RHOA: variants seen among roughly 807,000 people sequenced by gnomAD.
The protein encoded by RHOA is transforming protein RhoA.
In RHOA, 3 loss-of-function variants were observed where a neutral mutation model predicts 17.5. That is an observed-to-expected ratio of 0.17 (90% CI 0.08 to 0.44). The LOEUF is 0.44. Ranked by LOEUF, RHOA falls within the 20% of genes least tolerant of loss-of-function variation. RHOA has a pLI of 0.99. For synonymous variants in RHOA, 98 were observed against 88.4 expected (o/e 1.11, Z -0.61); for missense variants, 56 against 242.3 (o/e 0.23, Z 5.10).
chr3:49,407,811 T>C (rs1171741573), intron 1 of RHOA, among the ~76,000 whole-genome samples: 1 of 152,168 alleles, frequency 6.6e-6, no homozygotes, highest in Non-Finnish European at 1.5e-5. Flanking sequence ...ACTTACTTCA[T>C]TGGCTGTGTA....
intron 1 of RHOA, among the ~76,000 whole-genome samples, chr3:49,391,259 G>T (rs191323948): frequency 6.6e-6 from 1 of 151,016 alleles, no homozygotes; most frequent in African/African-American, 2.4e-5. Flanking sequence ...AGGTGTGGTA[G>T]TACACACGTG....
At chr3:49,406,344 G>A (rs936061188) in intron 1 of RHOA, among the ~76,000 whole-genome samples, 1 of 152,134 alleles carries the variant, frequency 6.6e-6, no homozygotes, top group African/African-American at 2.4e-5. Flanking sequence ...GGATACAATG[G>A]CTAGAAGAAT....
At chr3:49,389,794 G>A (rs78139421) in intron 1 of RHOA, among the ~76,000 whole-genome samples, 2 of 151,904 alleles carry the variant, frequency 1.3e-5, no homozygotes, top group Admixed American at 1.3e-4. Context: ...AAAATTAGCC[G>A]GGCGTGGTGG....
chr3:49,364,895 C>T (rs2048029513), intron 3 of RHOA, among the ~76,000 whole-genome samples: 1 of 151,628 alleles, frequency 6.6e-6, no homozygotes, highest in South Asian at 2.1e-4. Context: ...GTGCTTGAAC[C>T]CGGGAGGCGG....
chr3:49,360,041 A>G lies in RHOA; in HGVS notation c.*168T>C. ...GACCCTGGTGGGCCAGACGGGTTGG[A>G]CATCGTTAATAATCATAGTTGGCTT... is the stretch of plus-strand genomic sequence containing the variant. On this transcript the variant is annotated 3_prime_UTR_variant, in exon 5 of 5. Coordinates refer to ENST00000418115, the MANE Select transcript of RHOA (RefSeq NM_001664.4). 2 of 760,662 alleles carry G rather than the reference A, an allele frequency of 2.6e-6. No homozygotes were observed. Among genetic ancestry groups the G allele is most frequent in the Non-Finnish European group, 4.0e-6 (2 of 498,818 alleles). 47.1% of individuals were successfully genotyped at this position (760,662 alleles called of 1,614,324 possible). A position where few individuals can be genotyped will look rare whatever the true frequency, so the allele number is the denominator to read the frequency against.
intron 1 of RHOA, among the ~76,000 whole-genome samples, chr3:49,398,203 T>TAGCCAAGTG (rs71080505): frequency 0.3 from 44,857 of 151,338 alleles, 7,110 homozygotes; most frequent in Middle Eastern, 0.32. Context: ...TCTACTAAAG[T>TAGCCAAGTG]AGCCAAGTGT....
intron 1 of RHOA, among the ~76,000 whole-genome samples, chr3:49,383,758 G>T (rs1330725583): frequency 6.6e-6 from 1 of 152,144 alleles, no homozygotes; most frequent in Non-Finnish European, 1.5e-5. Flanking sequence ...AGCCAGGCAC[G>T]GTGGCTCACG....
chr3:49,398,453 A>G (rs183690608), intron 1 of RHOA, among the ~76,000 whole-genome samples: 15 of 152,184 alleles, frequency 9.9e-5, no homozygotes. Context: ...GGGTAATTAC[A>G]GTGATAAACT....
At chr3:49,393,729 T>TGTGTGAGAGAGA (rs1553635013) in intron 1 of RHOA, among the ~76,000 whole-genome samples, 2 of 136,840 alleles carry the variant, frequency 1.5e-5, no homozygotes, top group East Asian at 2.1e-4. Flanking sequence ...TGTGTGTGTG[T>TGTGTGAGAGAGA]GACAGAATCT....
At chr3:49,384,786 TGCAGTGGCTCAC>T (rs2048370099) in intron 1 of RHOA, among the ~76,000 whole-genome samples, 1 of 152,070 alleles carries the variant, frequency 6.6e-6, no homozygotes, top group Non-Finnish European at 1.5e-5. Context: ...CTTGGCTGGG[TGCAGTGGCTCAC>T]GCCTGTAATC....
chr3:49,368,142 C>A (rs966380167), intron 3 of RHOA, among the ~76,000 whole-genome samples: 2 of 151,886 alleles, frequency 1.3e-5, no homozygotes, highest in Non-Finnish European at 2.9e-5. Flanking sequence ...GAACTCCTGA[C>A]CCTCAGGTGA....
chr3:49,383,087 A>G (rs896707420), intron 1 of RHOA, among the ~76,000 whole-genome samples: 2 of 151,428 alleles, frequency 1.3e-5, no homozygotes, highest in Non-Finnish European at 2.9e-5. Context: ...GAAAAAGAAA[A>G]GGCTGCCACC....
At chr3:49,392,075 C>A (rs2048521416) in intron 1 of RHOA, among the ~76,000 whole-genome samples, 1 of 149,742 alleles carries the variant, frequency 6.7e-6, no homozygotes, top group Non-Finnish European at 1.5e-5. Context: ...GATCCACCAG[C>A]CTCAGCCCCC....
intron 1 of RHOA, among the ~76,000 whole-genome samples, chr3:49,396,156 A>G (rs1353931959): frequency 6.6e-6 from 1 of 152,254 alleles, no homozygotes; most frequent in East Asian, 1.9e-4. Flanking sequence ...AAAAGAACAC[A>G]GGTCTATGAG....
intron 1 of RHOA, among the ~76,000 whole-genome samples, chr3:49,402,105 A>G (rs2048732449): frequency 6.6e-6 from 1 of 152,214 alleles, no homozygotes; most frequent in Admixed American, 6.6e-5. Context: ...CAGGCAAGGA[A>G]CAATCCCTGA....
chr3:49,375,295 G>C (rs994676183), intron 2 of RHOA, 139 bp downstream of exon 2: 10 of 758,462 alleles, frequency 1.3e-5, no homozygotes, highest in Non-Finnish European at 2.0e-5. Flanking sequence ...GACTAAGATG[G>C]CAGGATGAGA....
intron 2 of RHOA, chr3:49,373,278 A>G: frequency 4.2e-6 from 1 of 240,960 alleles, no homozygotes; most frequent in East Asian, 1.6e-4. Context: ...CAGGAGGCGG[A>G]GGTTGTTGTA....
rs568516427 is a variant in RHOA, at chr3:49,400,873, G to A, written c.-3+10947C>T. The stretch of plus-strand genomic sequence containing the variant: ...ATCCTGGCTAACACGGTGAAATCCC[G>A]TCTCTACTAAAAATACAAAAAAATT... On this transcript the variant is annotated intron_variant, in intron 1 of 4. Coordinates refer to ENST00000418115, the MANE Select transcript of RHOA (RefSeq NM_001664.4). 5.9e-5 allele frequency among the ~76,000 whole-genome samples: 9 copies of A among 151,504 alleles called. No homozygotes were observed. In the East Asian group the frequency reaches 9.8e-4, roughly 16 times the overall value.
chr3:49,368,591 C>T lies in RHOA; in HGVS notation c.157-43G>A, dbSNP rs369176635. On this transcript the variant is annotated intron_variant, in intron 2 of 4. Transcript: ENST00000418115. ...ACCACAAGAGTGCAAGGTTAATCCC[C>T]CCACCCACTTTTAGAAAAAGTGACA... 1,107 of 1,611,670 alleles carry T rather than the reference C, an allele frequency of 6.9e-4. 14 individuals carry two copies. The South Asian group carries it at 0.011, about 17-fold the overall frequency.
Sources: gnomAD v4.1 joint callset for allele counts (sites outside exome capture counted in the v4.1 genomes callset) on GRCh38, gnomAD v4.1.1 for gene constraint, MANE v1.5 for transcripts, NCBI Gene and HGNC (gene_info 2026-07-23, HGNC 2026-07-21) for gene names.